The following FKBP5 variants were observed in gnomAD, a reference collection of about 807,000 sequenced individuals.
FKBP5 encodes FKBP prolyl isomerase 5, also known as peptidyl-prolyl cis-trans isomerase FKBP5.
A neutral mutation model predicts 50.5 loss-of-function variants in FKBP5; 23 were observed. That is an observed-to-expected ratio of 0.46 (90% confidence interval 0.33 to 0.65). FKBP5 has a LOEUF of 0.65. Ranked by LOEUF, FKBP5 falls within the 30% of genes least tolerant of loss-of-function variation. The probability of loss-of-function intolerance (pLI) is 0.02; values close to 1 mark genes in which losing one functional copy is unlikely to be tolerated. For missense variants in FKBP5, 411 were observed against 553.1 expected, an observed-to-expected ratio of 0.74 and a Z score of 2.58; for synonymous variants, 176 against 190.6, an observed-to-expected ratio of 0.92 and a Z score of 0.63.
In FKBP5 at chr6:35,573,795, C is replaced by A. The variant is rs540177945; in HGVS notation, c.*2040G>T. Reference sequence around the variant, plus strand: ...GATACAAGAATACGTGAAGTGTCTTCTTGAGTGGTAATGGGCACCCTGTAG... The same window carrying A: ...GATACAAGAATACGTGAAGTGTCTTATTGAGTGGTAATGGGCACCCTGTAG... On this transcript the variant is annotated 3_prime_UTR_variant, in exon 11 of 11. Coordinates refer to ENST00000357266, the MANE Select transcript of FKBP5 (RefSeq NM_004117.4). The A allele has an allele frequency of 6.6e-6, 1 of 152,252 alleles. No individual in the cohort carries two copies. Among genetic ancestry groups the A allele is most frequent in the South Asian group, 2.1e-4 (1 of 4,820 alleles). 9.4% of individuals were successfully genotyped at this position (152,252 alleles called of 1,614,324 possible).
At chr6:35,608,300 C>T (rs553635256) in intron 5 of FKBP5, among the ~76,000 whole-genome samples, 36 of 152,256 alleles carry the variant, frequency 2.4e-4, no homozygotes, top group African/African-American at 8.2e-4. Context: ...GAAGCCCAAA[C>T]CTCGGCATTA....
At chr6:35,601,181 A>C (rs1224127845) in intron 5 of FKBP5, among the ~76,000 whole-genome samples, 2 of 152,198 alleles carry the variant, frequency 1.3e-5, no homozygotes, top group African/African-American at 4.8e-5. Flanking sequence ...AACCCTTCAC[A>C]ATTGGACCCT....
chr6:35,726,509 C>G (rs139641407), intron 1 of FKBP5, among the ~76,000 whole-genome samples: 2 of 150,236 alleles, frequency 1.3e-5, no homozygotes, highest in Non-Finnish European at 2.9e-5. Flanking sequence ...GAATGAGTCA[C>G]GTCCACCCCT....
chr6:35,643,760 G>C (rs1581845946), intron 1 of FKBP5, among the ~76,000 whole-genome samples: 1 of 151,978 alleles, frequency 6.6e-6, no homozygotes, highest in African/African-American at 2.4e-5. Flanking sequence ...CTATTTGTAG[G>C]CCATTTTGCC....
At chr6:35,672,110 C>T (rs1043335330) in intron 1 of FKBP5, among the ~76,000 whole-genome samples, 46 of 152,218 alleles carry the variant, frequency 3.0e-4, no homozygotes, top group African/African-American at 1.1e-3. Flanking sequence ...CCTCATGATC[C>T]GCCCACCTCG....
chr6:35,684,543 C>T (rs1023232352), intron 1 of FKBP5, among the ~76,000 whole-genome samples: 1 of 152,166 alleles, frequency 6.6e-6, no homozygotes, highest in African/African-American at 2.4e-5. Context: ...ATGACAGCAA[C>T]TCCAAACAAC....
In FKBP5 at chr6:35,625,767, AATTTATTT is replaced by A. The variant is rs532035754; in HGVS notation, c.251-5501_251-5494del. Among the ~76,000 whole-genome samples the A allele has an allele frequency of 7.0e-3, 1,034 of 147,058 alleles. 11 individuals are homozygous for A. Among genetic ancestry groups the A allele is most frequent in the African/African-American group, 0.022 (879 of 39,952 alleles). ...AAACACACCAAGAATACATAATGTC[AATTTATTT>A]ATTTATTTATTTATTTATTTTTGAG... On this transcript the variant is annotated intron_variant, in intron 3 of 10. Transcript: ENST00000357266.
chr6:35,685,982 CAAA>C (rs60786619), intron 1 of FKBP5, among the ~76,000 whole-genome samples: 1 of 46,244 alleles, frequency 2.2e-5, no homozygotes, highest in Non-Finnish European at 5.2e-5. Flanking sequence ...AACGCCATCT[CAAA>C]AAAAAAAAAA....
At chr6:35,586,104 T>C in intron 8 of FKBP5, 1 of 984,892 alleles carries the variant, frequency 1.0e-6, no homozygotes, top group Middle Eastern at 5.2e-4. Context: ...GAACTCCCAT[T>C]CTCCCTCTAA....
chr6:35,645,524 TG>T (rs1764606485), intron 1 of FKBP5, among the ~76,000 whole-genome samples: 4 of 152,274 alleles, frequency 2.6e-5, no homozygotes, highest in South Asian at 4.1e-4. Flanking sequence ...GACAACCAAG[TG>T]TAATCAGTGA....
At chr6:35,694,176 C>CA (rs1766046108) in intron 2 of FKBP5, among the ~76,000 whole-genome samples, 1 of 152,080 alleles carries the variant, frequency 6.6e-6, no homozygotes, top group Non-Finnish European at 1.5e-5. Context: ...GACAGGGTCT[C>CA]ACTCTGTCAC....
intron 1 of FKBP5, among the ~76,000 whole-genome samples, chr6:35,686,438 A>G (rs1765828941): frequency 6.6e-6 from 1 of 152,188 alleles, no homozygotes; most frequent in African/African-American, 2.4e-5. Flanking sequence ...TACATACATC[A>G]TCACAGAATA....
intron 2 of FKBP5, among the ~76,000 whole-genome samples, chr6:35,699,275 G>A (rs1423180204): frequency 6.6e-6 from 1 of 152,178 alleles, no homozygotes; most frequent in African/African-American, 2.4e-5. Context: ...CATGGTGTCT[G>A]GCTTCCTCCA....
At chr6:35,581,880 G>A (rs1390804209) in intron 8 of FKBP5, 45 of 985,504 alleles carry the variant, frequency 4.6e-5, no homozygotes, top group East Asian at 1.1e-4. Context: ...CAAGCAGCGC[G>A]TACATCTCAC....
At chr6:35,708,736 C>A (rs1581899097) in intron 2 of FKBP5, among the ~76,000 whole-genome samples, 1 of 151,940 alleles carries the variant, frequency 6.6e-6, no homozygotes, top group African/African-American at 2.4e-5. Context: ...GTAGGTGTGC[C>A]CCTGTGTTCT....
intron 8 of FKBP5, chr6:35,583,282 A>C: frequency 1.0e-6 from 1 of 985,334 alleles, no homozygotes; most frequent in Non-Finnish European, 1.2e-6. Flanking sequence ...ATTATCTCCT[A>C]ATATATTGTA....
intron 5 of FKBP5, among the ~76,000 whole-genome samples, chr6:35,613,285 G>C (rs1380442454): frequency 1.3e-5 from 2 of 152,030 alleles, no homozygotes; most frequent in African/African-American, 4.8e-5. Context: ...CGTAATCTCT[G>C]CTCACTGCAA....
chr6:35,725,788 G>A (rs746446041), intron 1 of FKBP5, among the ~76,000 whole-genome samples: 3 of 152,184 alleles, frequency 2.0e-5, no homozygotes, highest in Non-Finnish European at 2.9e-5. Flanking sequence ...GGTACATTCC[G>A]GTCCCAGCGT....
chr6:35,695,291 G>A lies in FKBP5; in HGVS notation c.-20+25037C>T, dbSNP rs1766064449. Reference sequence around the variant, plus strand: ...GGATTCTCATGCCTCAGCCTCCCAAGTAGCTGAAATTACAGGTGCACGCCA... The same window carrying A: ...GGATTCTCATGCCTCAGCCTCCCAAATAGCTGAAATTACAGGTGCACGCCA... On this transcript the variant is annotated intron_variant, in intron 2 of 11. Coordinates refer to the FKBP5 transcript ENST00000536438. Among the ~76,000 whole-genome samples the A allele has an allele frequency of 2.0e-5, 3 of 152,158 alleles. 1 individual carries two copies. The South Asian group carries it at 6.2e-4, about 32-fold the overall frequency.
Sources: allele counts gnomAD v4.1 joint callset (sites outside exome capture counted in the v4.1 genomes callset), GRCh38; gene constraint gnomAD v4.1.1; transcripts MANE v1.5; gene names NCBI Gene and HGNC (gene_info 2026-07-23, HGNC 2026-07-21).